MAF: variants seen among roughly 807,000 people sequenced by gnomAD.
MAF encodes the protein transcription factor Maf.
A neutral mutation model predicts 22.0 loss-of-function variants in MAF; 10 were observed. That is an observed-to-expected ratio of 0.45 (90% CI 0.28 to 0.77). The LOEUF (loss-of-function observed/expected upper bound fraction) is 0.77, where lower values mean the gene tolerates loss of function less well. Ranked by LOEUF, MAF falls within the 30% of genes least tolerant of loss-of-function variation. The pLI is 0.12. For missense variants in MAF, 544 were observed against 548.4 expected (o/e 0.99, Z 0.08); for synonymous variants, 337 against 255.8 (o/e 1.32, Z -3.03).
chr16:79,597,714 T>C, intron 1 of MAF: 1 of 1,019,650 alleles, frequency 9.8e-7, no homozygotes, highest in Non-Finnish European at 1.2e-6. Context: ...ATGAATGCCA[T>C]GCTATAAGTC....
the MAF span, among the ~76,000 whole-genome samples, chr16:79,220,884 T>C: frequency 6.6e-6 from 1 of 152,230 alleles, no homozygotes; most frequent in Non-Finnish European, 1.5e-5. Flanking sequence ...ATGACCTGCC[T>C]GTCTGGCATG....
At chr16:79,540,783 C>A in the MAF span, among the ~76,000 whole-genome samples, 2 of 152,198 alleles carry the variant, frequency 1.3e-5, no homozygotes, top group African/African-American at 4.8e-5. Flanking sequence ...TCTTCTCTGA[C>A]ATGTGGGGAA....
intron 1 of MAF, among the ~76,000 whole-genome samples, chr16:79,588,130 G>A (rs552011307): frequency 2.6e-5 from 4 of 152,318 alleles, no homozygotes; most frequent in African/African-American, 9.6e-5. Context: ...ACAGGAGCAT[G>A]CACTGATATT....
chr16:79,433,520 A>G, the MAF span, among the ~76,000 whole-genome samples: 18 of 151,940 alleles, frequency 1.2e-4, no homozygotes, highest in African/African-American at 4.4e-4. Flanking sequence ...TCCATAATGG[A>G]AGTGATGCTT....
At chr16:79,411,478 T>C in the MAF span, among the ~76,000 whole-genome samples, 14 of 152,306 alleles carry the variant, frequency 9.2e-5, no homozygotes, top group Admixed American at 7.2e-4. Flanking sequence ...ACAATGAACA[T>C]TGGGGAAAGC....
the MAF span, among the ~76,000 whole-genome samples, chr16:79,538,759 G>C: frequency 6.6e-6 from 1 of 151,862 alleles, no homozygotes; most frequent in Non-Finnish European, 1.5e-5. Context: ...CAAGGAGGTG[G>C]AGGTTGCAGT....
At chr16:79,217,772 A>G in the MAF span, among the ~76,000 whole-genome samples, 216 of 152,246 alleles carry the variant, frequency 1.4e-3, 1 homozygote, top group Admixed American at 4.3e-3. Context: ...ACTTATCAAT[A>G]GGAAACAAGA....
At chr16:79,363,236 A>T in the MAF span, among the ~76,000 whole-genome samples, 1 of 152,226 alleles carries the variant, frequency 6.6e-6, no homozygotes, top group Admixed American at 6.5e-5. Flanking sequence ...AGGATCGCTC[A>T]GCTCTTGTGG....
the MAF span, among the ~76,000 whole-genome samples, chr16:79,435,823 C>T: frequency 5.3e-5 from 8 of 152,178 alleles, no homozygotes; most frequent in African/African-American, 1.7e-4. Context: ...AAAGCATGAA[C>T]TTGAACTCGA....
the MAF span, chr16:79,205,671 G>C: frequency 6.6e-6 from 1 of 152,118 alleles, no homozygotes; most frequent in Non-Finnish European, 1.5e-5. Flanking sequence ...ACTCCCAAAG[G>C]TTTATGAAGA....
chr16:79,283,775 C>A, the MAF span, among the ~76,000 whole-genome samples: 1 of 152,066 alleles, frequency 6.6e-6, no homozygotes, highest in Non-Finnish European at 1.5e-5. Context: ...CCGCACAGAA[C>A]CTGCACGCTG....
the MAF span, among the ~76,000 whole-genome samples, chr16:79,359,265 C>G: frequency 6.6e-6 from 1 of 152,176 alleles, no homozygotes; most frequent in Non-Finnish European, 1.5e-5. Context: ...CCCCAAAGGG[C>G]ACATCTTTGC....
chr16:79,352,900 T>C, the MAF span, among the ~76,000 whole-genome samples: 9 of 152,156 alleles, frequency 5.9e-5, no homozygotes. Context: ...ACCACAAAAA[T>C]AGATGGAGAA....
At chr16:79,470,580 C>T in the MAF span, among the ~76,000 whole-genome samples, 1 of 152,318 alleles carries the variant, frequency 6.6e-6, no homozygotes, top group Admixed American at 6.5e-5. Context: ...AGGTACTGTG[C>T]TAAGCATATT....
chr16:79,409,497 C>T, the MAF span, among the ~76,000 whole-genome samples: 1 of 152,340 alleles, frequency 6.6e-6, no homozygotes, highest in East Asian at 1.9e-4. Context: ...TAGCTTGGGT[C>T]CAGCATTTCC....
chr16:79,311,508 A>C, the MAF span, among the ~76,000 whole-genome samples: 9 of 151,944 alleles, frequency 5.9e-5, no homozygotes, highest in South Asian at 4.2e-4. Context: ...AAAAAAAAAA[A>C]AAAAAAACAT....
chr16:79,554,890 G>A, the MAF span, among the ~76,000 whole-genome samples: 1 of 152,104 alleles, frequency 6.6e-6, no homozygotes, highest in Non-Finnish European at 1.5e-5. Context: ...CAGAGCCCTG[G>A]CATCTCTCAC....
the MAF span, among the ~76,000 whole-genome samples, chr16:79,502,130 T>G: frequency 1.3e-5 from 2 of 152,168 alleles, no homozygotes; most frequent in Non-Finnish European, 2.9e-5. Flanking sequence ...GAGTACCCTC[T>G]CAAGAGCCCC....
the MAF span, among the ~76,000 whole-genome samples, chr16:79,437,688 G>GGCATTACTC: frequency 6.6e-6 from 1 of 152,000 alleles, no homozygotes; most frequent in East Asian, 1.9e-4. Flanking sequence ...TGAAAACCCT[G>GGCATTACTC]GCATTACTCT....
Sources: gnomAD v4.1 joint callset for allele counts (sites outside exome capture counted in the v4.1 genomes callset) on GRCh38, gnomAD v4.1.1 for gene constraint, MANE v1.5 for transcripts, NCBI Gene and HGNC (gene_info 2026-07-23, HGNC 2026-07-21) for gene names.